Variants in KRABD3 observed in about 807,000 individuals in gnomAD.
The protein encoded by KRABD3 is KRAB domain-containing protein 3.
chr7:149,726,804 G>A, the KRABD3 span, among the ~76,000 whole-genome samples: 1 of 152,120 alleles, frequency 6.6e-6, no homozygotes, highest in African/African-American at 2.4e-5. Context: ...AGCTACTCAG[G>A]AGGCTGAGGC....
At chr7:149,731,969 CT>C in the KRABD3 span, among the ~76,000 whole-genome samples, 2 of 152,198 alleles carry the variant, frequency 1.3e-5, no homozygotes, top group Non-Finnish European at 2.9e-5. Flanking sequence ...GCAGACACAC[CT>C]TTTAGAGGTG....
chr7:149,731,519 GAATTA>G, the KRABD3 span, among the ~76,000 whole-genome samples: 1 of 152,224 alleles, frequency 6.6e-6, no homozygotes, highest in Admixed American at 6.5e-5. Context: ...CCTGCCACCA[GAATTA>G]GGCTCCCTCA....
the KRABD3 span, chr7:149,721,691 G>C: frequency 3.4e-6 from 3 of 879,900 alleles, no homozygotes; most frequent in Non-Finnish European, 5.5e-6. Flanking sequence ...CAGGGAGCAG[G>C]ACAACATATT....
chr7:149,729,794 C>G, the KRABD3 span: 3 of 985,390 alleles, frequency 3.0e-6, no homozygotes, highest in African/African-American at 5.2e-5. Flanking sequence ...CCTTGGGCTG[C>G]TGGCCCCTGT....
chr7:149,731,876 A>G, the KRABD3 span: 1 of 774,440 alleles, frequency 1.3e-6, no homozygotes, highest in Non-Finnish European at 2.2e-6. Context: ...AGTGATGGGT[A>G]GGAAGTCTCA....
the KRABD3 span, among the ~76,000 whole-genome samples, chr7:149,724,241 T>C: frequency 3.3e-3 from 497 of 152,236 alleles, 3 homozygotes; most frequent in South Asian, 0.012. Flanking sequence ...GTTTCTGCCA[T>C]GTGTGTGAGA....
chr7:149,714,955 TCTC>T, the KRABD3 span: 9 of 1,018,620 alleles, frequency 8.8e-6, no homozygotes, highest in Non-Finnish European at 1.1e-5. Context: ...GGCCCCGCCT[TCTC>T]CTGCGCGGAC....
At chr7:149,730,138 C>A in the KRABD3 span, 1 of 1,495,678 alleles carries the variant, frequency 6.7e-7, no homozygotes. Context: ...TCTCTGGTCC[C>A]CTGCCCAGGG....
chr7:149,734,084 G>T, the KRABD3 span: 4 of 1,561,350 alleles, frequency 2.6e-6, no homozygotes, highest in Non-Finnish European at 3.5e-6. Context: ...CGTTCTTGCC[G>T]AGGGTGCAGT....
the KRABD3 span, chr7:149,725,217 C>T: frequency 3.2e-6 from 4 of 1,240,222 alleles, no homozygotes; most frequent in African/African-American, 6.0e-5. Context: ...GGACTCGTCA[C>T]CCCTGTAGAA....
chr7:149,733,864 C>G, the KRABD3 span: 5 of 1,594,996 alleles, frequency 3.1e-6, no homozygotes, highest in South Asian at 4.5e-5. Flanking sequence ...CTGCCTTACC[C>G]CTGCAGGGAG....
the KRABD3 span, chr7:149,730,377 GT>G: frequency 6.4e-7 from 1 of 1,553,762 alleles, no homozygotes; most frequent in Non-Finnish European, 8.7e-7. Flanking sequence ...AGCGGGATGT[GT>G]GCCAGGGCGC....
At chr7:149,727,819 G>T in the KRABD3 span, among the ~76,000 whole-genome samples, 2 of 152,162 alleles carry the variant, frequency 1.3e-5, no homozygotes, top group Admixed American at 6.5e-5. Flanking sequence ...TGCATGTGGG[G>T]GTCCTCTGGT....
chr7:149,720,273 C>A, the KRABD3 span: 4 of 940,858 alleles, frequency 4.3e-6, no homozygotes, highest in Admixed American at 2.7e-5. Flanking sequence ...CCTCATCCCT[C>A]TGGGCTGGAA....
At chr7:149,715,408 G>C in the KRABD3 span, 1 of 1,044,628 alleles carries the variant, frequency 9.6e-7, no homozygotes, top group East Asian at 5.1e-5. Context: ...GGCTGGGGAC[G>C]TGGAAATGGG....
At chr7:149,720,760 T>C in the KRABD3 span, 3 of 1,387,024 alleles carry the variant, frequency 2.2e-6, no homozygotes. Flanking sequence ...AGATGCTGGG[T>C]GTGAAAACAC....
the KRABD3 span, chr7:149,720,989 G>A: frequency 6.2e-7 from 1 of 1,613,366 alleles, no homozygotes; most frequent in Non-Finnish European, 8.5e-7. Flanking sequence ...CGAGCCCCGA[G>A]GGTAAGTCAG....
chr7:149,725,424 C>G, the KRABD3 span: 1 of 1,612,112 alleles, frequency 6.2e-7, no homozygotes, highest in Non-Finnish European at 8.5e-7. Context: ...GTTCCCAGAA[C>G]CCCCAGCCAG....
the KRABD3 span, chr7:149,721,125 C>T: frequency 1.6e-6 from 2 of 1,275,278 alleles, no homozygotes; most frequent in Non-Finnish European, 2.1e-6. Context: ...TTCCTCGTGG[C>T]TAGGCCGTGT....
Sources: gnomAD v4.1 joint callset for allele counts (sites outside exome capture counted in the v4.1 genomes callset) on GRCh38, gnomAD v4.1.1 for gene constraint, MANE v1.5 for transcripts, NCBI Gene and HGNC (gene_info 2026-07-23, HGNC 2026-07-21) for gene names.